The following PCDHGA1 variants were observed in gnomAD, a reference collection of about 807,000 sequenced individuals.
PCDHGA1 encodes protocadherin gamma-A1.
In PCDHGA1, 32 loss-of-function variants were observed where a neutral mutation model predicts 58.0. The observed-to-expected ratio is 0.55, with a 90% confidence interval of 0.42 to 0.74. The LOEUF is 0.74. PCDHGA1 is among the 30% of genes least tolerant of loss of function. The probability of loss-of-function intolerance (pLI) is 0.00; values close to 1 mark genes in which losing one functional copy is unlikely to be tolerated. For synonymous variants in PCDHGA1, 498 were observed against 501.1 expected, an observed-to-expected ratio of 0.99 and a Z score of 0.08; for missense variants, 1,205 against 1,182.3, an observed-to-expected ratio of 1.02 and a Z score of -0.28.
Position 141,477,685 on chromosome 5 carries a change from G to A in PCDHGA1, c.2422-17122G>A, listed in dbSNP as rs1218415502. ...ACAATGGCATAGTGTCATCCTTAGT[G>A]CCCCTAGACTATGAGGATCGGCGGG... On this transcript the variant is annotated intron_variant, in intron 1 of 3. Transcript: ENST00000517417. This position sits in a 1 kb window ranked among gnomAD's most constrained non-coding sequence, Gnocchi z 4.9. The A allele has an allele frequency of 6.2e-7, 1 of 1,614,116 alleles. No individual in the cohort carries two copies. The highest frequency in any genetic ancestry group is 8.5e-7 in the Non-Finnish European group (1 of 1,180,040).
chr5:141,372,634 C>G, intron 1 of PCDHGA1: 1 of 1,614,012 alleles, frequency 6.2e-7, no homozygotes, highest in Non-Finnish European at 8.5e-7. Context: ...AGCGAAAGGA[C>G]TTTGCCTTAT....
intron 2 of PCDHGA1, among the ~76,000 whole-genome samples, chr5:141,496,180 GC>G (rs1054381604): frequency 1.4e-4 from 21 of 151,922 alleles, no homozygotes; most frequent in Non-Finnish European, 2.9e-4. Flanking sequence ...CATCCAAGCA[GC>G]CCCAGCTGCT....
intron 1 of PCDHGA1, chr5:141,422,466 G>T: frequency 1.2e-6 from 2 of 1,613,528 alleles, no homozygotes; most frequent in Non-Finnish European, 1.7e-6. Flanking sequence ...TGCTGGACAG[G>T]GAGTTGGTCC....
chr5:141,377,736 G>A (rs1308540994), intron 1 of PCDHGA1: 1 of 152,060 alleles, frequency 6.6e-6, no homozygotes, highest in African/African-American at 2.4e-5. Flanking sequence ...AAGAATCATT[G>A]GTAACTGCAG....
chr5:141,357,577 A>G (rs1202708968), intron 1 of PCDHGA1: 6 of 1,614,078 alleles, frequency 3.7e-6, no homozygotes, highest in Non-Finnish European at 5.1e-6. Flanking sequence ...GCCTCTTCTG[A>G]TAACTCAGGA....
At chr5:141,355,743 C>T (rs750434737) in intron 1 of PCDHGA1, 2 of 1,613,960 alleles carry the variant, frequency 1.2e-6, no homozygotes, top group Non-Finnish European at 1.7e-6. Flanking sequence ...TTTCCCTGGA[C>T]GTGCAAAGTG....
rs146306949 is a variant in PCDHGA1 at position 141,340,898 on chromosome 5, G to A, written c.2421+7793G>A. ...CAGAGACGCGCTCAAGCAGAGCCTC[G>A]TGGTGGCCATCCAGGACCACGGCCA... On this transcript the variant is annotated intron_variant, in intron 1 of 3. Transcript: ENST00000517417. 6.8e-6 allele frequency: 11 copies of A among 1,613,702 alleles called. No individual in the cohort carries two copies. In the East Asian group the frequency reaches 1.8e-4, roughly 26 times the overall value.
At chr5:141,414,316 G>T (rs2095734692) in intron 1 of PCDHGA1, 1 of 1,613,682 alleles carries the variant, frequency 6.2e-7, no homozygotes, top group Admixed American at 1.7e-5. Flanking sequence ...TTTAGACTCT[G>T]AGCAGAATGG....
chr5:141,344,821 C>G, intron 1 of PCDHGA1: 1 of 1,613,918 alleles, frequency 6.2e-7, no homozygotes. Context: ...CGGCTGCTCA[C>G]GGTGAATGCC....
intron 1 of PCDHGA1, among the ~76,000 whole-genome samples, chr5:141,447,752 G>T (rs2154561873): frequency 6.6e-6 from 1 of 152,280 alleles, no homozygotes; most frequent in Admixed American, 6.5e-5. Context: ...TCTTGCATGT[G>T]ACTGTATATA....
intron 1 of PCDHGA1, chr5:141,357,013 T>C (rs1242867628): frequency 1.2e-6 from 2 of 1,614,118 alleles, no homozygotes; most frequent in South Asian, 2.2e-5. Flanking sequence ...TGCCTGGCTG[T>C]CCTACAGCCT....
Position 141,485,098 on chromosome 5 carries a change from A to G in PCDHGA1, c.2422-9709A>G, listed in dbSNP as rs2099606903. ...CGGGGAAAGGGAGATAGGTGTCTCCAGCTGCTGTGGCTGTTTGGGGCGGGT... is the reference window on the plus strand; with the variant it reads ...CGGGGAAAGGGAGATAGGTGTCTCCGGCTGCTGTGGCTGTTTGGGGCGGGT... On this transcript the variant is annotated intron_variant, in intron 1 of 3. Transcript: ENST00000517417. This position sits in a 1 kb window ranked among gnomAD's most constrained non-coding sequence, Gnocchi z 5.7. 8.8e-7 allele frequency: 1 copy of G among 1,134,792 alleles called. No individual in the cohort carries two copies. Among genetic ancestry groups the G allele is most frequent in the South Asian group, 1.4e-5 (1 of 71,796 alleles). The allele number at this position is 1,134,792 out of a possible 1,614,324, so 70.3% of individuals were successfully genotyped here. A position where few individuals can be genotyped will look rare whatever the true frequency, so the allele number is the denominator to read the frequency against.
At chr5:141,479,685 G>C (rs749895405) in intron 1 of PCDHGA1, 2 of 152,130 alleles carry the variant, frequency 1.3e-5, no homozygotes, top group Non-Finnish European at 2.9e-5. Context: ...AGTCTTTTTG[G>C]TGCCTCCAGT....
chr5:141,423,775 T>A, intron 1 of PCDHGA1: 1 of 1,209,960 alleles, frequency 8.3e-7, no homozygotes, highest in Non-Finnish European at 1.1e-6. Context: ...GCGGCATATA[T>A]TTAGTTCATA....
chr5:141,440,990 C>T (rs1195325115), intron 1 of PCDHGA1: 2 of 152,172 alleles, frequency 1.3e-5, no homozygotes, highest in African/African-American at 4.8e-5. Flanking sequence ...CCAGAGTACC[C>T]ATATCTAGTT....
At chr5:141,389,811 G>A in intron 1 of PCDHGA1, 1 of 1,613,822 alleles carries the variant, frequency 6.2e-7, no homozygotes, top group Non-Finnish European at 8.5e-7. Flanking sequence ...CCTTCTGGTC[G>A]CCGTGCGTGA....
intron 1 of PCDHGA1, among the ~76,000 whole-genome samples, chr5:141,463,762 T>C (rs113547206): frequency 2.0e-5 from 3 of 152,214 alleles, no homozygotes; most frequent in African/African-American, 4.8e-5. Flanking sequence ...TCTTCTCTTA[T>C]GGGTTAGAAT....
Position 141,469,573 on chromosome 5 carries a change from C to CTAAA in PCDHGA1, c.2422-25217_2422-25214dup, listed in dbSNP as rs1209972534. Among the ~76,000 whole-genome samples the CTAAA allele has an allele frequency of 1.4e-4, 21 of 151,674 alleles. No individual in the cohort carries two copies. In the East Asian group the frequency reaches 2.3e-3, roughly 17 times the overall value. On this transcript the variant is annotated intron_variant, in intron 1 of 3. Coordinates refer to ENST00000517417, the MANE Select transcript of PCDHGA1 (RefSeq NM_018912.3). ...CTGGCGACAGAGTGAGACTCTGTCT[C>CTAAA]TAAATAAATAAATAAATAAAACAAA...
At position 141,332,286 on chromosome 5, in the gene PCDHGA1, G is replaced by A. The variant is rs17097187; in HGVS notation, c.1602G>A (p.Ala534=). Residue 534 remains alanine (A), a synonymous_variant, in exon 1 of 4, where the codon GCG becomes GCA. Coordinates refer to ENST00000517417, the MANE Select transcript of PCDHGA1 (RefSeq NM_018912.3). The surrounding 1 kb of genome is among the most constrained non-coding windows in gnomAD (Gnocchi z 4.6). ...QFRDMQLKVM[A]RDSGDPPLSS... ...GGGACATGCAACTGAAAGTGATGGCGCGGGACAGTGGGGATCCGCCCCTCA... is the reference window on the plus strand; with the variant it reads ...GGGACATGCAACTGAAAGTGATGGCACGGGACAGTGGGGATCCGCCCCTCA... 0.066 allele frequency: 105,793 copies of A among 1,614,148 alleles called. 3,817 individuals carry two copies. The highest frequency in any genetic ancestry group is 0.079 in the Middle Eastern group (481 of 6,062).
Sources: allele counts gnomAD v4.1 joint callset (sites outside exome capture counted in the v4.1 genomes callset), GRCh38; gene constraint gnomAD v4.1.1; non-coding constraint Gnocchi (gnomAD v3.1); transcripts MANE v1.5; gene names NCBI Gene and HGNC (gene_info 2026-07-23, HGNC 2026-07-21).